ZPBP: variants seen among roughly 807,000 people sequenced by gnomAD.
ZPBP encodes the protein zona pellucida binding protein, also known as zona pellucida-binding protein 1.
ZPBP carries 26 observed loss-of-function variants against 44.8 expected under a neutral mutation model. The ratio of observed to expected loss-of-function variants is 0.58; its 90% CI spans 0.43 to 0.81. ZPBP has a LOEUF of 0.81. Ranked by LOEUF, ZPBP falls within the 30% of genes least tolerant of loss-of-function variation. The pLI is 0.00. For missense variants in ZPBP, 409 were observed against 434.0 expected (o/e 0.94, Z 0.51); for synonymous variants, 174 against 153.2 (o/e 1.14, Z -1.00).
At chr7:49,913,854 T>C (rs536946923) in intron 1 of ZPBP, 13 of 152,122 alleles carry the variant, frequency 8.5e-5, no homozygotes, top group African/African-American at 2.7e-4. Flanking sequence ...AATTAAACTA[T>C]TGTGAACCTT....
Position 49,877,130 on chromosome 7 carries a change from C to A in ZPBP, n.509+23988G>T, listed in dbSNP as rs969591836. On this transcript the variant is annotated intron_variant and non_coding_transcript_variant, in intron 2 of 2. Transcript: ENST00000465922. ...AAGTGAGAAAATACATTGGAAGACA[C>A]GTATCTCTTTCCTGACACATAGTCT... Among the ~76,000 whole-genome samples, 6 of 152,058 alleles carry A rather than the reference C, an allele frequency of 3.9e-5. No individual in the cohort carries two copies. In the East Asian group the frequency reaches 1.2e-3, roughly 30 times the overall value.
At chr7:49,889,125 A>T (rs539729514) in intron 2 of ZPBP, among the ~76,000 whole-genome samples, 2 of 152,266 alleles carry the variant, frequency 1.3e-5, no homozygotes, top group South Asian at 4.1e-4. Context: ...TTCTGGGTAC[A>T]TTACAAATGA....
chr7:50,033,678 G>GTTTGTTTGTTTA (rs143206693), intron 4 of ZPBP, among the ~76,000 whole-genome samples: 349 of 148,816 alleles, frequency 2.3e-3, no homozygotes, highest in East Asian at 0.012. Flanking sequence ...TCTTTCTACA[G>GTTTGTTTGTTTA]TTTATTTATT....
At chr7:49,914,022 T>C (rs1261015367) in intron 1 of ZPBP, 1 of 152,208 alleles carries the variant, frequency 6.6e-6, no homozygotes, top group Non-Finnish European at 1.5e-5. Context: ...TGTTCTCAGG[T>C]GTAATCAGCT....
At chr7:49,955,411 G>A (rs1347726317) in intron 7 of ZPBP, among the ~76,000 whole-genome samples, 3 of 152,050 alleles carry the variant, frequency 2.0e-5, no homozygotes, top group African/African-American at 7.2e-5. Flanking sequence ...ACAAAAATTA[G>A]CTGGGTGTGC....
chr7:49,850,231 G>A (rs1398974590), downstream of ZPBP, among the ~76,000 whole-genome samples: 2 of 150,390 alleles, frequency 1.3e-5, no homozygotes, highest in Non-Finnish European at 2.9e-5. Context: ...TTTGACTGTA[G>A]TAACCTGTCC....
intron 7 of ZPBP, among the ~76,000 whole-genome samples, chr7:49,956,416 G>A (rs1323890633): frequency 1.3e-5 from 2 of 152,062 alleles, no homozygotes; most frequent in East Asian, 3.9e-4. Context: ...TTTTTGAAAA[G>A]TCTCCTAAAA....
intron 2 of ZPBP, among the ~76,000 whole-genome samples, chr7:49,856,531 C>T (rs754367434): frequency 3.9e-5 from 6 of 152,172 alleles, no homozygotes; most frequent in Admixed American, 6.5e-5. Context: ...TGGACGAATA[C>T]AGCAGGATTT....
chr7:49,998,818 C>A (rs1403379676), intron 6 of ZPBP, among the ~76,000 whole-genome samples: 1 of 151,982 alleles, frequency 6.6e-6, no homozygotes, highest in African/African-American at 2.4e-5. Flanking sequence ...TCTAGAACCG[C>A]TCTTGTTACC....
intron 7 of ZPBP, among the ~76,000 whole-genome samples, chr7:49,955,090 T>C (rs1021438611): frequency 6.6e-6 from 1 of 152,024 alleles, no homozygotes; most frequent in African/African-American, 2.4e-5. Context: ...CTGGGCCAAA[T>C]AAAATTATAA....
chr7:49,945,953 C>T (rs1472041612), intron 7 of ZPBP, among the ~76,000 whole-genome samples: 2 of 151,918 alleles, frequency 1.3e-5, no homozygotes, highest in African/African-American at 4.8e-5. Flanking sequence ...GTGATTTTCT[C>T]TGGTGGTATA....
intron 6 of ZPBP, among the ~76,000 whole-genome samples, chr7:49,993,456 T>C (rs1342803532): frequency 6.6e-6 from 1 of 152,106 alleles, no homozygotes; most frequent in Non-Finnish European, 1.5e-5. Context: ...ATTGAAACAT[T>C]CCAATTAAAA....
At chr7:50,038,142 C>T (rs1459392079) in intron 4 of ZPBP, among the ~76,000 whole-genome samples, 2 of 152,152 alleles carry the variant, frequency 1.3e-5, no homozygotes, top group African/African-American at 4.8e-5. Context: ...ACATCAAATG[C>T]TCAGCTCCTA....
At position 49,881,290 on chromosome 7, in the gene ZPBP, T is replaced by C. The variant is rs548029301; in HGVS notation, n.509+19828A>G. ...TTGTTTCATCAACCAGCTAAATCTTTAGAGTGCTGCTGGCCTATAAGAGAC... is the reference window on the plus strand; with the variant it reads ...TTGTTTCATCAACCAGCTAAATCTTCAGAGTGCTGCTGGCCTATAAGAGAC... On this transcript the variant is annotated intron_variant and non_coding_transcript_variant, in intron 2 of 2. Coordinates refer to the ZPBP transcript ENST00000465922. Among the ~76,000 whole-genome samples the C allele has an allele frequency of 1.0e-3, 154 of 152,240 alleles. 1 individual carries two copies. The highest frequency in any genetic ancestry group is 1.3e-4 in the Non-Finnish European group (9 of 68,006).
intron 7 of ZPBP, among the ~76,000 whole-genome samples, chr7:49,941,864 T>A (rs1421166509): frequency 6.6e-6 from 1 of 152,102 alleles, no homozygotes; most frequent in Admixed American, 6.6e-5. Flanking sequence ...TAAAACTTAC[T>A]ACAAAGCTGC....
intron 4 of ZPBP, among the ~76,000 whole-genome samples, chr7:50,038,913 T>C (rs1218672242): frequency 6.6e-6 from 1 of 152,112 alleles, no homozygotes; most frequent in Non-Finnish European, 1.5e-5. Flanking sequence ...ACCATCTAGG[T>C]TTGTATAAGT....
At chr7:49,989,044 T>C (rs1797445217) in intron 6 of ZPBP, among the ~76,000 whole-genome samples, 2 of 152,202 alleles carry the variant, frequency 1.3e-5, no homozygotes, top group Admixed American at 1.3e-4. Context: ...ATTTGGAAAC[T>C]AGTTCTGAGT....
At chr7:49,938,723 G>A (rs1794721468) in intron 7 of ZPBP, among the ~76,000 whole-genome samples, 1 of 152,076 alleles carries the variant, frequency 6.6e-6, no homozygotes, top group African/African-American at 2.4e-5. Context: ...TCTTTTTCCT[G>A]TTGCAAATGT....
rs771955717 is a variant in ZPBP at position 49,970,466 on chromosome 7, C to CTTTTTTTT, written c.961+12868_961+12875dup. On this transcript the variant is annotated intron_variant, in intron 7 of 7. Coordinates refer to ENST00000046087, the MANE Select transcript of ZPBP (RefSeq NM_007009.3). ...ACCCTCCACACAACAGCTGAATATA[C>CTTTTTTTT]TTTTTTTTTTTTTTTTTTTTTTTTT... Among the ~76,000 whole-genome samples the CTTTTTTTT allele has an allele frequency of 2.2e-4, 19 of 85,208 alleles. 2 individuals are homozygous for CTTTTTTTT. The highest frequency in any genetic ancestry group is 2.9e-4 in the African/African-American group (6 of 20,960). 55.9% of individuals were successfully genotyped at this position (85,208 alleles called of 152,430 possible). A position where few individuals can be genotyped will look rare whatever the true frequency, so the allele number is the denominator to read the frequency against.
Sources: allele counts gnomAD v4.1 joint callset (sites outside exome capture counted in the v4.1 genomes callset), GRCh38; gene constraint gnomAD v4.1.1; transcripts MANE v1.5; gene names NCBI Gene and HGNC (gene_info 2026-07-23, HGNC 2026-07-21).